RELL1: variants seen among roughly 807,000 people sequenced by gnomAD.
RELL1 encodes the protein RELT like 1, also known as RELT-like protein 1.
In RELL1, 10 loss-of-function variants were observed where a neutral mutation model predicts 23.0. The observed-to-expected ratio is 0.43, with a 90% CI of 0.27 to 0.74. The LOEUF (loss-of-function observed/expected upper bound fraction) is 0.74, where lower values mean the gene tolerates loss of function less well. Ranked by LOEUF, RELL1 falls within the 30% of genes least tolerant of loss-of-function variation. RELL1 has a pLI of 0.19. For missense variants in RELL1, 315 were observed against 364.4 expected (o/e 0.86, Z 1.10); for synonymous variants, 146 against 146.8 (o/e 0.99, Z 0.04).
chr4:37,608,321 G>T (rs1357452340), downstream of RELL1, among the ~76,000 whole-genome samples: 1 of 152,148 alleles, frequency 6.6e-6, no homozygotes, highest in African/African-American at 2.4e-5. Context: ...AGAAAATTAG[G>T]CCTCCTGTAC....
chr4:37,651,154 G>A (rs909920121), intron 1 of RELL1, among the ~76,000 whole-genome samples: 1 of 152,062 alleles, frequency 6.6e-6, no homozygotes, highest in Non-Finnish European at 1.5e-5. Context: ...AAATGTGTTA[G>A]CTACCACTAT....
intron 1 of RELL1, among the ~76,000 whole-genome samples, chr4:37,666,725 C>T (rs1006557158): frequency 2.0e-5 from 3 of 152,184 alleles, no homozygotes; most frequent in Non-Finnish European, 4.4e-5. Flanking sequence ...CCACACAGCA[C>T]TGCTCAGGTG....
At chr4:37,607,529 T>G (rs149905905), downstream of RELL1, among the ~76,000 whole-genome samples, 10 of 152,208 alleles carry the variant, frequency 6.6e-5, no homozygotes, top group East Asian at 1.9e-3. Flanking sequence ...ACCGTACGTG[T>G]GTGGCAACCC....
rs1577557839 is a variant in RELL1 at position 37,604,810 on chromosome 4, G to GACACACACAGACACAC, written c.*4-13594_*4-13593insGTGTGTCTGTGTGTGT. On this transcript the variant is annotated intron_variant, in intron 6 of 6. Transcript: ENST00000314117. ...AGACACACACACAGACACACACACAGACACACACACAGACACACACATACA... is the reference window on the plus strand; with the variant it reads ...AGACACACACACAGACACACACACAGACACACACAGACACACACACACACACAGACACACACATACA... Among the ~76,000 whole-genome samples the GACACACACAGACACAC allele has an allele frequency of 9.5e-4, 70 of 73,626 alleles. 2 individuals carry two copies. In the East Asian group the frequency reaches 0.036, roughly 38 times the overall value. The allele number at this position is 73,626 out of a possible 152,430, so 48.3% of individuals were successfully genotyped here. A position where few individuals can be genotyped will look rare whatever the true frequency, so the allele number is the denominator to read the frequency against.
chr4:37,666,273 C>A (rs1220537133), intron 1 of RELL1, among the ~76,000 whole-genome samples: 4 of 152,146 alleles, frequency 2.6e-5, no homozygotes, highest in Non-Finnish European at 4.4e-5. Flanking sequence ...ACATTTGAAC[C>A]AAGGTCTGTT....
At chr4:37,663,042 C>T (rs1203963970) in intron 1 of RELL1, among the ~76,000 whole-genome samples, 2 of 152,136 alleles carry the variant, frequency 1.3e-5, no homozygotes, top group African/African-American at 4.8e-5. Context: ...TGAGGAGATT[C>T]CCACAGACCC....
In RELL1 at chr4:37,646,898, C is replaced by G. The variant is rs115328294; in HGVS notation, c.385+470G>C. 2.0e-3 allele frequency among the ~76,000 whole-genome samples: 307 copies of G among 152,028 alleles called. 1 individual carries two copies. The highest frequency in any genetic ancestry group is 7.2e-3 in the African/African-American group (299 of 41,490). On this transcript the variant is annotated intron_variant, in intron 3 of 6. Transcript: ENST00000454158. The stretch of plus-strand genomic sequence containing the variant: ...ATGTGCCACCATGCCTGGCTATTTA[C>G]TTTTTTTGAAGAGATGGGGTCTCAC...
At chr4:37,684,249 G>C (rs926612422) in intron 1 of RELL1, among the ~76,000 whole-genome samples, 3 of 151,914 alleles carry the variant, frequency 2.0e-5, no homozygotes, top group African/African-American at 7.3e-5. Context: ...TGGCTGGTCA[G>C]AGCATCTTCT....
At chr4:37,631,972 G>A (rs573463630) in intron 5 of RELL1, among the ~76,000 whole-genome samples, 36 of 151,026 alleles carry the variant, frequency 2.4e-4, no homozygotes, top group African/African-American at 7.8e-4. Context: ...CCAGCTACTC[G>A]GGAGGCTGAA....
At chr4:37,624,584 C>T (rs1385674688) in intron 6 of RELL1, among the ~76,000 whole-genome samples, 1 of 151,668 alleles carries the variant, frequency 6.6e-6, no homozygotes, top group East Asian at 1.9e-4. Flanking sequence ...CCACCACGCC[C>T]GGCTAATTTT....
At chr4:37,668,720 T>C (rs1721637445) in intron 1 of RELL1, among the ~76,000 whole-genome samples, 2 of 140,848 alleles carry the variant, frequency 1.4e-5, no homozygotes, top group East Asian at 4.3e-4. Flanking sequence ...CTGCCCAGTC[T>C]GGAAAGTGAG....
chr4:37,612,339 C>CT lies in RELL1; in HGVS notation c.*1006_*1007insA, dbSNP rs1719427282. Among the ~76,000 whole-genome samples, 1 of 85,332 alleles carries CT rather than the reference C, an allele frequency of 1.2e-5. No homozygotes were observed. The highest frequency in any genetic ancestry group is 6.5e-5 in the African/African-American group (1 of 15,288). 56.0% of individuals were successfully genotyped at this position (85,332 alleles called of 152,430 possible). ...CTAAAGGTTAAAAAAAAAAAAAAAA[C>CT]AAAAAAAAACAAAAAACCGGGTGCA... On this transcript the variant is annotated 3_prime_UTR_variant, in exon 7 of 7. Transcript: ENST00000454158.
At chr4:37,588,404 G>A (rs1718429220), downstream of RELL1, 1 of 158,756 alleles carries the variant, frequency 6.3e-6, no homozygotes, top group Non-Finnish European at 1.4e-5. Context: ...AACTCTTGAG[G>A]AGCAAATGCC....
chr4:37,665,502 C>T (rs937781676), intron 1 of RELL1: 6 of 345,748 alleles, frequency 1.7e-5, no homozygotes, highest in African/African-American at 1.1e-4. Flanking sequence ...CATAAGGGGA[C>T]GCTAAATCCG....
At chr4:37,686,131 C>A in intron 1 of RELL1, 69 bp downstream of exon 1, 3 of 1,346,800 alleles carry the variant, frequency 2.2e-6, no homozygotes, top group Non-Finnish European at 2.0e-6. Flanking sequence ...CGTCCCGACC[C>A]CTCGCTTCCT....
intron 6 of RELL1, among the ~76,000 whole-genome samples, chr4:37,602,905 G>A (rs1486864389): frequency 2.6e-5 from 4 of 152,144 alleles, no homozygotes; most frequent in Admixed American, 6.5e-5. Flanking sequence ...CAGTATCCAG[G>A]TAACACCTGC....
rs759958562 is a variant in RELL1, at chr4:37,611,845, C to T, written c.*1501G>A. 2.0e-4 allele frequency among the ~76,000 whole-genome samples: 30 copies of T among 152,102 alleles called. No individual in the cohort carries two copies. The highest frequency in any genetic ancestry group is 3.4e-3 in the Middle Eastern group (1 of 292). On this transcript the variant is annotated 3_prime_UTR_variant, in exon 7 of 7. Transcript: ENST00000454158. ...AAAACAGGAAATACACAAAGAAAAA[C>T]ATGCCAGAGGTAGGTGCAGGCCCAT...
intron 6 of RELL1, among the ~76,000 whole-genome samples, chr4:37,628,953 C>T (rs6835196): frequency 0.017 from 2,613 of 152,234 alleles, 85 homozygotes; most frequent in African/African-American, 0.06. Flanking sequence ...CAGACAGATT[C>T]GGGCCAAAAA....
intron 6 of RELL1, among the ~76,000 whole-genome samples, chr4:37,629,228 G>T (rs1272153640): frequency 6.6e-6 from 1 of 152,160 alleles, no homozygotes; most frequent in Non-Finnish European, 1.5e-5. Flanking sequence ...AGCTAAGCTG[G>T]CTGGGCCTTC....
Sources: allele counts gnomAD v4.1 joint callset (sites outside exome capture counted in the v4.1 genomes callset), GRCh38; gene constraint gnomAD v4.1.1; transcripts MANE v1.5; gene names NCBI Gene and HGNC (gene_info 2026-07-23, HGNC 2026-07-21).